The following EBF3 variants were observed in gnomAD, a reference collection of about 807,000 sequenced individuals.
The protein encoded by EBF3 is transcription factor COE3.
EBF3 carries 18 observed loss-of-function variants against 77.1 expected under a neutral mutation model. The observed-to-expected ratio is 0.23, with a 90% CI of 0.16 to 0.35. EBF3 has a LOEUF of 0.35. Among genes scored for constraint, EBF3 ranks in the 10% least tolerant of loss-of-function variants. The pLI, the probability that EBF3 is intolerant of heterozygous loss-of-function variation, is 1.00. For synonymous variants in EBF3, 350 were observed against 343.5 expected, an observed-to-expected ratio of 1.02 and a Z score of -0.21; for missense variants, 558 against 860.0, an observed-to-expected ratio of 0.65 and a Z score of 4.39.
intron 10 of EBF3, among the ~76,000 whole-genome samples, chr10:129,850,119 C>CAA (rs1564823779): frequency 6.6e-6 from 1 of 152,248 alleles, no homozygotes; most frequent in East Asian, 1.9e-4. Context: ...GAACAGGGAA[C>CAA]AAAAAAGGCG....
intron 6 of EBF3, among the ~76,000 whole-genome samples, chr10:129,901,774 G>A (rs561732456): frequency 6.6e-5 from 10 of 152,284 alleles, no homozygotes; most frequent in African/African-American, 1.7e-4. Context: ...CGGCGCCCTC[G>A]GTACAGTTTG....
At position 129,950,546 on chromosome 10, in the gene EBF3, C is replaced by T. The variant is rs536662462; in HGVS notation, c.554+6712G>A. 1.4e-3 allele frequency among the ~76,000 whole-genome samples: 208 copies of T among 152,252 alleles called. 1 individual carries two copies. The highest frequency in any genetic ancestry group is 3.2e-3 in the Admixed American group (49 of 15,300). On this transcript the variant is annotated intron_variant, in intron 6 of 16. Transcript: ENST00000440978. ...GATATGTCTGACCTTTTTCTGAAAA[C>T]ATCGTTTTGAAAACAGTTTTCTCAA... is the stretch of plus-strand genomic sequence containing the variant.
rs957894006 is a variant in EBF3, at chr10:129,897,625, G to A, written c.555-19776C>T. ...GTTCTCGAGGGCGCCCATTGTCTCCGAGCCTGCCCACTGTGCCTGCCTCAG... is the reference window on the plus strand; with the variant it reads ...GTTCTCGAGGGCGCCCATTGTCTCCAAGCCTGCCCACTGTGCCTGCCTCAG... On this transcript the variant is annotated intron_variant, in intron 6 of 16. Transcript: ENST00000440978. This position sits in a 1 kb window ranked among gnomAD's most constrained non-coding sequence, Gnocchi z 4.6. 3.9e-5 allele frequency among the ~76,000 whole-genome samples: 6 copies of A among 152,048 alleles called. No individual in the cohort carries two copies. The highest frequency in any genetic ancestry group is 9.7e-5 in the African/African-American group (4 of 41,404).
intron 6 of EBF3, among the ~76,000 whole-genome samples, chr10:129,954,955 C>T (rs189090286): frequency 3.9e-5 from 6 of 152,072 alleles, no homozygotes; most frequent in Admixed American, 2.6e-4. Context: ...GAAACTGAAA[C>T]GCATCTCAGT....
intron 10 of EBF3, among the ~76,000 whole-genome samples, chr10:129,851,606 C>G (rs1850889850): frequency 1.3e-5 from 2 of 152,168 alleles, no homozygotes; most frequent in Non-Finnish European, 2.9e-5. Flanking sequence ...TTCCACATAT[C>G]TGGATCTGAG....
chr10:129,907,213 A>G (rs1408943113), intron 6 of EBF3, among the ~76,000 whole-genome samples: 1 of 152,246 alleles, frequency 6.6e-6, no homozygotes, highest in Non-Finnish European at 1.5e-5. Flanking sequence ...TCACCTTTCA[A>G]AGGGACCCGT....
intron 6 of EBF3, among the ~76,000 whole-genome samples, chr10:129,936,975 G>A (rs1049207884): frequency 6.6e-6 from 1 of 152,184 alleles, no homozygotes; most frequent in African/African-American, 2.4e-5. Context: ...GATCGGACGT[G>A]TGAGAACAAC....
intron 6 of EBF3, among the ~76,000 whole-genome samples, chr10:129,899,768 G>A (rs1013199576): frequency 2.0e-5 from 3 of 152,114 alleles, no homozygotes; most frequent in South Asian, 2.1e-4. Flanking sequence ...GCTGGAACCC[G>A]GCCCTGCATC....
chr10:129,930,966 CT>C (rs1856988604), intron 6 of EBF3, among the ~76,000 whole-genome samples: 1 of 145,502 alleles, frequency 6.9e-6, no homozygotes, highest in South Asian at 2.2e-4. Context: ...ACAAATCCCC[CT>C]CTCATATATC....
chr10:129,930,965 C>T (rs1036075438), intron 6 of EBF3, among the ~76,000 whole-genome samples: 3 of 145,344 alleles, frequency 2.1e-5, no homozygotes, highest in Non-Finnish European at 4.5e-5. Context: ...AACAAATCCC[C>T]CTCTCATATA....
At chr10:129,867,071 C>T (rs1852072507) in intron 10 of EBF3, 70 bp downstream of exon 10, 2 of 1,558,910 alleles carry the variant, frequency 1.3e-6, no homozygotes, top group Non-Finnish European at 1.7e-6. Context: ...CTCCCGTGCC[C>T]TCATGAGCAC....
At chr10:129,903,357 G>A (rs1315328575) in intron 6 of EBF3, among the ~76,000 whole-genome samples, 23 of 152,230 alleles carry the variant, frequency 1.5e-4, no homozygotes. Context: ...TCCCTTGTAA[G>A]GAATGACCCA....
intron 8 of EBF3, among the ~76,000 whole-genome samples, chr10:129,872,552 T>A (rs1264811903): frequency 6.6e-6 from 1 of 152,202 alleles, no homozygotes; most frequent in South Asian, 2.1e-4. Flanking sequence ...GACCTCGGGA[T>A]AGAGGATTTG....
chr10:129,844,702 A>T (rs927621044), intron 11 of EBF3, among the ~76,000 whole-genome samples: 1 of 152,026 alleles, frequency 6.6e-6, no homozygotes, highest in Non-Finnish European at 1.5e-5. Flanking sequence ...TGGCTCTGAC[A>T]ATGGGCATTT....
intron 6 of EBF3, among the ~76,000 whole-genome samples, chr10:129,936,085 C>A (rs1857338690): frequency 6.6e-6 from 1 of 152,210 alleles, no homozygotes; most frequent in African/African-American, 2.4e-5. Context: ...ATTACAATTG[C>A]TGCAATTATT....
In EBF3 at chr10:129,867,205, T is replaced by A; in HGVS notation, c.975A>T (p.Glu325Asp). The A allele has an allele frequency of 1.2e-6, 2 of 1,614,134 alleles. No individual in the cohort carries two copies. Among genetic ancestry groups the A allele is most frequent in the Non-Finnish European group, 1.7e-6 (2 of 1,180,034 alleles). ...TPPRHIPGVV[E>D]VTLSYKSKQF... ...GCTTGGATTTGTAGGAGAGGGTCAC[T>A]TCGACGACGCCAGGAATGTGCCTCG... Residue 325 changes from glutamate (E) to aspartate (D), a missense_variant, in exon 10 of 17, where the codon GAA becomes GAT. Coordinates refer to ENST00000440978, the MANE Select transcript of EBF3 (RefSeq NM_001375380.1).
At chr10:129,843,895 T>TTTTG (rs758942201) in intron 11 of EBF3, among the ~76,000 whole-genome samples, 1 of 152,178 alleles carries the variant, frequency 6.6e-6, no homozygotes, top group African/African-American at 2.4e-5. Flanking sequence ...ATGCACCGAG[T>TTTTG]TTTGTCTTAT....
Position 129,943,153 on chromosome 10 carries a change from C to T in EBF3, c.554+14105G>A, listed in dbSNP as rs564341875. 3.3e-4 allele frequency among the ~76,000 whole-genome samples: 50 copies of T among 152,344 alleles called. No homozygotes were observed. The highest frequency in any genetic ancestry group is 1.1e-3 in the African/African-American group (47 of 41,574). Reference sequence around the variant, plus strand: ...AACAACTTCCTCCACATAAACAAGGCCCGCCAGAGCCAGAGAGCTGCCAGG... The same window carrying T: ...AACAACTTCCTCCACATAAACAAGGTCCGCCAGAGCCAGAGAGCTGCCAGG... On this transcript the variant is annotated intron_variant, in intron 6 of 16. Transcript: ENST00000440978. The surrounding 1 kb of genome is among the most constrained non-coding windows in gnomAD (Gnocchi z 8.8).
chr10:129,934,453 C>T (rs545314339), intron 6 of EBF3, among the ~76,000 whole-genome samples: 9 of 152,292 alleles, frequency 5.9e-5, no homozygotes, highest in African/African-American at 2.2e-4. Context: ...TAAGGCACCT[C>T]GCCGCACACA....
Sources: gnomAD v4.1 joint callset for allele counts (sites outside exome capture counted in the v4.1 genomes callset) on GRCh38, gnomAD v4.1.1 for gene constraint, Gnocchi (gnomAD v3.1) non-coding constraint, MANE v1.5 for transcripts, NCBI Gene and HGNC (gene_info 2026-07-23, HGNC 2026-07-21) for gene names.